The following RALGAPA1 variants were observed in gnomAD, a reference collection of about 807,000 sequenced individuals.
RALGAPA1 encodes Ral GTPase activating protein catalytic subunit alpha 1, also known as ral GTPase-activating protein subunit alpha-1.
A neutral mutation model predicts 269.6 loss-of-function variants in RALGAPA1; 52 were observed. The ratio of observed to expected loss-of-function variants is 0.19; its 90% CI spans 0.15 to 0.24. RALGAPA1 has a LOEUF of 0.24. Ranked by LOEUF, RALGAPA1 falls within the 10% of genes least tolerant of loss-of-function variation. The pLI is 1.00. For missense variants in RALGAPA1, 1,917 were observed against 3,013.9 expected (o/e 0.64, Z 8.52); for synonymous variants, 817 against 1,008.3 (o/e 0.81, Z 3.60).
Position 35,538,563 on chromosome 14 carries a change from C to A in RALGAPA1, c.*1151G>T, listed in dbSNP as rs534772598. Reference sequence around the variant, plus strand: ...CCCATTCAAAACAAAATGTGAGCAGCTTATCTACTGTAAGAAAATACTTCT... The same window carrying A: ...CCCATTCAAAACAAAATGTGAGCAGATTATCTACTGTAAGAAAATACTTCT... On this transcript the variant is annotated 3_prime_UTR_variant, in exon 42 of 42. Transcript: ENST00000680220. The A allele has an allele frequency of 3.3e-5, 5 of 152,682 alleles. No individual in the cohort carries two copies. In the East Asian group the frequency reaches 9.6e-4, roughly 29 times the overall value. 9.5% of individuals were successfully genotyped at this position (152,682 alleles called of 1,614,324 possible).
intron 17 of RALGAPA1, 106 bp downstream of exon 17, chr14:35,700,056 C>T (rs1349539312): frequency 2.0e-6 from 2 of 999,176 alleles, no homozygotes; most frequent in African/African-American, 1.6e-5. Context: ...CCCACACCTC[C>T]CCCAAAGAAA....
chr14:35,586,093 G>A (rs1217799462), intron 37 of RALGAPA1, among the ~76,000 whole-genome samples: 1 of 152,202 alleles, frequency 6.6e-6, no homozygotes, highest in African/African-American at 2.4e-5. Flanking sequence ...AGCATGGAAT[G>A]TTCTTCTATT....
intron 39 of RALGAPA1, among the ~76,000 whole-genome samples, chr14:35,562,823 C>G (rs991472898): frequency 1.3e-5 from 2 of 151,734 alleles, no homozygotes; most frequent in Non-Finnish European, 2.9e-5. Context: ...AGATCGAGAC[C>G]ATCCTGGCTA....
rs763519205 is a variant in RALGAPA1, at chr14:35,539,662, T to C, written c.*52A>G. The C allele has an allele frequency of 7.4e-6, 12 of 1,614,108 alleles. No homozygotes were observed. In the South Asian group the frequency reaches 1.3e-4, roughly 18 times the overall value. On this transcript the variant is annotated 3_prime_UTR_variant, in exon 42 of 42. Transcript: ENST00000680220. ...CATCTACCTGCGTTGCTGTGGGAGT[T>C]TCACTGGGTAGAATCTCTGGGTAGG...
At chr14:35,764,529 T>TTTTATTTA (rs368091853) in intron 4 of RALGAPA1, among the ~76,000 whole-genome samples, 179 of 151,804 alleles carry the variant, frequency 1.2e-3, no homozygotes, top group African/African-American at 4.1e-3. Context: ...TGCAGATAAG[T>TTTTATTTA]TTTATTTATT....
intron 37 of RALGAPA1, among the ~76,000 whole-genome samples, chr14:35,580,797 G>C (rs897479452): frequency 6.6e-6 from 1 of 152,120 alleles, no homozygotes; most frequent in Non-Finnish European, 1.5e-5. Flanking sequence ...CAAAGGACCA[G>C]AGTCATAAAT....
In RALGAPA1 at chr14:35,725,007, T is replaced by C; in HGVS notation, c.1866+17A>G. 1.3e-6 allele frequency: 2 copies of C among 1,576,494 alleles called. No homozygotes were observed. On this transcript the variant is annotated intron_variant, in intron 14 of 41. Coordinates refer to ENST00000680220, the MANE Select transcript of RALGAPA1 (RefSeq NM_001346249.2). ...CATATCTATCCAGCTATTCATCTAT[T>C]TATTTATTTTTATTGCCTGGAAAAG...
intron 30 of RALGAPA1, 57 bp from the exon 31 acceptor site, chr14:35,651,930 T>C: frequency 7.1e-7 from 1 of 1,403,158 alleles, no homozygotes; most frequent in Non-Finnish European, 9.7e-7. Context: ...TAATGGTACA[T>C]CCTAAAACTT....
At chr14:35,636,591 G>A (rs1176794846) in intron 31 of RALGAPA1, among the ~76,000 whole-genome samples, 1 of 152,160 alleles carries the variant, frequency 6.6e-6, no homozygotes. Context: ...CATGATCTCA[G>A]CTCATTGCAA....
At chr14:35,697,199 TAGA>T (rs1487390689) in intron 17 of RALGAPA1, among the ~76,000 whole-genome samples, 3 of 152,308 alleles carry the variant, frequency 2.0e-5, no homozygotes, top group South Asian at 4.1e-4. Flanking sequence ...TGTAAACTGG[TAGA>T]AGATTAATCC....
At chr14:35,620,451 C>G (rs1042323797) in intron 35 of RALGAPA1, among the ~76,000 whole-genome samples, 6 of 152,162 alleles carry the variant, frequency 3.9e-5, no homozygotes, top group South Asian at 4.1e-4. Context: ...AAAACTGGTA[C>G]AAGACAAGGA....
rs2138940907 is a variant in RALGAPA1 at position 35,539,391 on chromosome 14, A to C, written c.*323T>G. The C allele has an allele frequency of 1.5e-6, 1 of 651,768 alleles. No homozygotes were observed. Among genetic ancestry groups the C allele is most frequent in the East Asian group, 3.3e-5 (1 of 30,676 alleles). The allele number at this position is 651,768 out of a possible 1,614,324, so 40.4% of individuals were successfully genotyped here. The stretch of plus-strand genomic sequence containing the variant: ...CTTAAATCTTTAATATTAAGCTACA[A>C]ATTATTTAAAATTATTTAAATCCAG... On this transcript the variant is annotated 3_prime_UTR_variant, in exon 42 of 42. Coordinates refer to ENST00000680220, the MANE Select transcript of RALGAPA1 (RefSeq NM_001346249.2).
chr14:35,686,299 G>A (rs1487903932), intron 19 of RALGAPA1, among the ~76,000 whole-genome samples: 1 of 151,978 alleles, frequency 6.6e-6, no homozygotes, highest in Non-Finnish European at 1.5e-5. Flanking sequence ...CTGTGTATTT[G>A]TGCACAGGTA....
At position 35,651,830 on chromosome 14, in the gene RALGAPA1, G is replaced by A. The variant is rs1490633544; in HGVS notation, c.5651C>T (p.Ala1884Val). The change falls in exon 31 of 42, where the codon GCT (alanine) becomes GTT (valine). Residue 1884 changes from alanine (A) to valine (V), a missense_variant. Around this residue, in one of 11 missense-constraint regions of RALGAPA1, gnomAD observed 346 missense variants for 566.1 expected, o/e 0.61. Coordinates refer to ENST00000680220, the MANE Select transcript of RALGAPA1 (RefSeq NM_001346249.2). ...CCTCTTGTCCATTTCATAAGATGAAGCCTCTGTACTTGGTAAAAGATGGGT... is the reference window on the plus strand; with the variant it reads ...CCTCTTGTCCATTTCATAAGATGAAACCTCTGTACTTGGTAAAAGATGGGT... The part of the protein sequence containing the change: ...TITHLLPSTE[A>V]SSYEMDKRLV... The A allele has an allele frequency of 2.5e-6, 4 of 1,602,984 alleles. No homozygotes were observed. Among genetic ancestry groups the A allele is most frequent in the Non-Finnish European group, 2.6e-6 (3 of 1,176,366 alleles).
At chr14:35,702,726 A>T (rs5022183) in intron 16 of RALGAPA1, among the ~76,000 whole-genome samples, 61,437 of 143,278 alleles carry the variant, frequency 0.43, 13,298 homozygotes, top group East Asian at 0.56. Flanking sequence ...AAAAAAAAAA[A>T]ATATATATAT....
chr14:35,699,879 G>GA (rs1229373710), intron 17 of RALGAPA1, among the ~76,000 whole-genome samples: 1 of 57,692 alleles, frequency 1.7e-5, no homozygotes, highest in African/African-American at 7.1e-5. Context: ...CTGAGAGGAA[G>GA]AAAAAAATCA....
intron 37 of RALGAPA1, among the ~76,000 whole-genome samples, chr14:35,585,629 T>C (rs553627477): frequency 6.6e-6 from 1 of 152,350 alleles, no homozygotes; most frequent in South Asian, 2.1e-4. Context: ...TTTTTTTGTA[T>C]AAGGTTTAAG....
intron 39 of RALGAPA1, among the ~76,000 whole-genome samples, chr14:35,558,033 G>A (rs570094409): frequency 1.8e-4 from 28 of 151,994 alleles, no homozygotes; most frequent in African/African-American, 6.3e-4. Context: ...ACTGCTTGCT[G>A]ATAAAGCTGA....
intron 17 of RALGAPA1, among the ~76,000 whole-genome samples, chr14:35,696,069 C>A (rs2066872122): frequency 6.6e-6 from 1 of 152,142 alleles, no homozygotes. Context: ...AGTGCTAATG[C>A]CCACAAACTG....
Sources: allele counts gnomAD v4.1 joint callset (sites outside exome capture counted in the v4.1 genomes callset), GRCh38; gene constraint gnomAD v4.1.1; regional missense constraint gnomAD v4.1.1; transcripts MANE v1.5; gene names NCBI Gene and HGNC (gene_info 2026-07-23, HGNC 2026-07-21).